FSIP1: variants seen among roughly 807,000 people sequenced by gnomAD.
FSIP1 encodes the protein fibrous sheath-interacting protein 1.
FSIP1 carries 65 observed loss-of-function variants against 60.9 expected under a neutral mutation model. The observed-to-expected ratio is 1.07, with a 90% CI of 0.87 to 1.31. FSIP1 has a LOEUF of 1.31. Among genes scored for constraint, FSIP1 ranks in the 40% most tolerant of loss-of-function variants. FSIP1 has a pLI of 0.00. For missense variants in FSIP1, 675 were observed against 665.5 expected (o/e 1.01, Z -0.16); for synonymous variants, 209 against 221.2 (o/e 0.94, Z 0.49).
At chr15:39,722,761 C>A (rs576223255) in intron 9 of FSIP1, among the ~76,000 whole-genome samples, 25 of 151,924 alleles carry the variant, frequency 1.6e-4, no homozygotes, top group African/African-American at 5.8e-4. Context: ...TGAGACCACA[C>A]CTCTAAAAAA....
chr15:39,769,051 G>C (rs374852491), intron 3 of FSIP1, among the ~76,000 whole-genome samples: 1 of 152,042 alleles, frequency 6.6e-6, no homozygotes, highest in Admixed American at 6.5e-5. Context: ...AGGCCGAGGC[G>C]GGCAGATCAC....
intron 2 of FSIP1, among the ~76,000 whole-genome samples, chr15:39,775,278 A>C (rs1225648998): frequency 6.6e-6 from 1 of 151,982 alleles, no homozygotes; most frequent in Non-Finnish European, 1.5e-5. Flanking sequence ...ATAGAATGCT[A>C]TTCCTGAACC....
At chr15:39,769,374 C>T (rs1230807524) in intron 3 of FSIP1, among the ~76,000 whole-genome samples, 2 of 151,996 alleles carry the variant, frequency 1.3e-5, no homozygotes, top group Non-Finnish European at 1.5e-5. Flanking sequence ...CACTTCAAAG[C>T]TCAAATTTTA....
intron 5 of FSIP1, among the ~76,000 whole-genome samples, chr15:39,746,530 A>G (rs1595688801): frequency 6.6e-6 from 1 of 152,240 alleles, no homozygotes; most frequent in African/African-American, 2.4e-5. Flanking sequence ...AGCAGACTCA[A>G]GGCAGATGTA....
chr15:39,628,768 C>T (rs1030710557), intron 10 of FSIP1, among the ~76,000 whole-genome samples: 13 of 152,184 alleles, frequency 8.5e-5, no homozygotes, highest in Non-Finnish European at 1.6e-4. Flanking sequence ...CTCTCTCATT[C>T]CCCAGCTGTT....
chr15:39,625,224 G>A (rs933022577), intron 10 of FSIP1, among the ~76,000 whole-genome samples: 14 of 152,144 alleles, frequency 9.2e-5, no homozygotes, highest in African/African-American at 1.4e-4. Flanking sequence ...CCAGGTGCCC[G>A]GGCTGGCTCC....
In FSIP1 at chr15:39,706,121, C is replaced by T. The variant is rs542800952; in HGVS notation, c.1188+7323G>A. ...ATTATATAAGTTGCTTTGACATTCCCTTCTTTGAGAACATTTATTTCCTGG... is the reference window on the plus strand; with the variant it reads ...ATTATATAAGTTGCTTTGACATTCCTTTCTTTGAGAACATTTATTTCCTGG... On this transcript the variant is annotated intron_variant, in intron 10 of 11. Coordinates refer to ENST00000350221, the MANE Select transcript of FSIP1 (RefSeq NM_152597.5). Among the ~76,000 whole-genome samples, 2 of 152,112 alleles carry T rather than the reference C, an allele frequency of 1.3e-5. 1 individual carries two copies. The highest frequency in any genetic ancestry group is 3.9e-4 in the East Asian group (2 of 5,186).
intron 10 of FSIP1, among the ~76,000 whole-genome samples, chr15:39,626,581 C>T (rs931991746): frequency 2.3e-4 from 35 of 152,150 alleles, no homozygotes; most frequent in Non-Finnish European, 2.9e-5. Context: ...GATTGGAACA[C>T]AGGGGTGGTT....
At chr15:39,743,436 A>G (rs1455006728) in intron 5 of FSIP1, among the ~76,000 whole-genome samples, 2 of 143,790 alleles carry the variant, frequency 1.4e-5, no homozygotes, top group Non-Finnish European at 3.0e-5. Context: ...CCCTTGGAGG[A>G]AAAAAAAAAC....
At chr15:39,729,498 T>C (rs1443515707) in intron 8 of FSIP1, among the ~76,000 whole-genome samples, 1 of 151,978 alleles carries the variant, frequency 6.6e-6, no homozygotes, top group Non-Finnish European at 1.5e-5. Flanking sequence ...CACTTGAGCC[T>C]GAGAGGTCGA....
rs532044629 is a variant in FSIP1, at chr15:39,613,298, G to A, written c.1699+4437C>T. Among the ~76,000 whole-genome samples the A allele has an allele frequency of 7.7e-4, 117 of 152,180 alleles. 1 individual carries two copies. Among genetic ancestry groups the A allele is most frequent in the African/African-American group, 2.7e-3 (112 of 41,540 alleles). On this transcript the variant is annotated intron_variant, in intron 11 of 11. Coordinates refer to ENST00000350221, the MANE Select transcript of FSIP1 (RefSeq NM_152597.5). ...AACTGATACCAAAGAAATACAAAGGGTAATTATGTAAAATTATATGCCAAC... is the reference window on the plus strand; with the variant it reads ...AACTGATACCAAAGAAATACAAAGGATAATTATGTAAAATTATATGCCAAC...
At chr15:39,649,747 G>C (rs1435719546) in intron 10 of FSIP1, among the ~76,000 whole-genome samples, 1 of 152,174 alleles carries the variant, frequency 6.6e-6, no homozygotes, top group African/African-American at 2.4e-5. Flanking sequence ...GTCGGATCAA[G>C]TCCTGAACAC....
intron 10 of FSIP1, among the ~76,000 whole-genome samples, chr15:39,701,881 G>A (rs897419505): frequency 6.6e-6 from 1 of 152,094 alleles, no homozygotes; most frequent in Non-Finnish European, 1.5e-5. Flanking sequence ...TTATTTGTGG[G>A]AATTTATTAA....
intron 1 of FSIP1, among the ~76,000 whole-genome samples, 178 bp from the exon 2 acceptor site, chr15:39,776,709 A>C (rs967970212): frequency 1.3e-5 from 2 of 152,170 alleles, no homozygotes; most frequent in Admixed American, 6.5e-5. Flanking sequence ...GGATTGTTCA[A>C]TCTTATGCCA....
intron 10 of FSIP1, among the ~76,000 whole-genome samples, chr15:39,640,809 A>ATGCCTTATT (rs1892337530): frequency 6.6e-6 from 1 of 152,158 alleles, no homozygotes; most frequent in African/African-American, 2.4e-5. Flanking sequence ...GTCAGTGTAT[A>ATGCCTTATT]TGCCTTATTT....
chr15:39,769,915 C>G (rs1006140891), intron 3 of FSIP1, among the ~76,000 whole-genome samples: 7 of 152,144 alleles, frequency 4.6e-5, no homozygotes, highest in Non-Finnish European at 8.8e-5. Context: ...CAGCTTTTAC[C>G]TTGCAGAGCC....
chr15:39,688,184 C>A (rs1256823264), intron 10 of FSIP1, among the ~76,000 whole-genome samples: 2 of 152,186 alleles, frequency 1.3e-5, no homozygotes, highest in African/African-American at 4.8e-5. Context: ...TAAAAGAAAC[C>A]ACAACTTCAG....
intron 10 of FSIP1, among the ~76,000 whole-genome samples, chr15:39,663,544 G>A (rs1018019886): frequency 6.6e-6 from 1 of 152,088 alleles, no homozygotes; most frequent in African/African-American, 2.4e-5. Context: ...GGTAGCTGCA[G>A]TTATATTCAA....
chr15:39,640,284 T>G (rs1892309245), intron 10 of FSIP1, among the ~76,000 whole-genome samples: 1 of 152,202 alleles, frequency 6.6e-6, no homozygotes, highest in Admixed American at 6.5e-5. Flanking sequence ...AATTCTCATC[T>G]TTAACCTATT....
Sources: allele counts gnomAD v4.1 joint callset (sites outside exome capture counted in the v4.1 genomes callset), GRCh38; gene constraint gnomAD v4.1.1; transcripts MANE v1.5; gene names NCBI Gene and HGNC (gene_info 2026-07-23, HGNC 2026-07-21).